GPANK1: variants seen among roughly 807,000 people sequenced by gnomAD.
The protein encoded by GPANK1 is G patch domain and ankyrin repeat-containing protein 1.
Under a neutral mutation model 24.0 loss-of-function variants are expected in GPANK1, and 22 were observed. The ratio of observed to expected loss-of-function variants is 0.92; its 90% confidence interval spans 0.66 to 1.31. The LOEUF (loss-of-function observed/expected upper bound fraction) is 1.31. Among genes scored for constraint, GPANK1 ranks in the 50% most tolerant of loss-of-function variants. The probability of loss-of-function intolerance (pLI) is 0.00; values close to 1 mark genes in which losing one functional copy is unlikely to be tolerated. For missense variants in GPANK1, 469 were observed against 453.5 expected (o/e 1.03, Z -0.31); for synonymous variants, 174 against 177.4 (o/e 0.98, Z 0.15).
rs1414986599 is a variant in GPANK1, at chr6:31,662,699, G to A, written c.638C>T (p.Pro213Leu). The A allele has an allele frequency of 1.3e-6, 2 of 1,583,274 alleles. No homozygotes were observed. Among genetic ancestry groups the A allele is most frequent in the Non-Finnish European group, 1.7e-6 (2 of 1,159,566 alleles). The change falls in exon 3 of 3, where the codon CCC becomes CTC. Residue 213 changes from proline to leucine, a missense_variant. Pro to Leu is a moderately conservative substitution (Grantham distance 98, BLOSUM62 -3). Coordinates refer to ENST00000375896, the MANE Select transcript of GPANK1 (RefSeq NM_033177.4). The surrounding 1 kb of genome is among the most constrained non-coding windows in gnomAD (Gnocchi z 5.5). ...ACAGTTCTCGCAGTACTGGAGGGAG[G>A]GAGTAGGAGACCTGCAGAGAAAGAA... is the stretch of plus-strand genomic sequence containing the variant. The part of the protein sequence containing the change: ...TRSPENRSPT[P>L]SLQYCENCDT...
intron 1 of GPANK1, 112 bp downstream of exon 1, chr6:31,664,729 A>C: frequency 3.9e-6 from 2 of 517,296 alleles, no homozygotes; most frequent in African/African-American, 1.9e-5. Context: ...AGATTAATAA[A>C]ACTCCATGAG....
Position 31,662,028 on chromosome 6 carries a change from G to A in GPANK1, c.*238C>T, listed in dbSNP as rs1349233434. The A allele has an allele frequency of 7.2e-6, 3 of 415,336 alleles. No homozygotes were observed. Among genetic ancestry groups the A allele is most frequent in the African/African-American group, 6.2e-5 (3 of 48,698 alleles). The allele number at this position is 415,336 out of a possible 1,614,324, so 25.7% of individuals were successfully genotyped here. A position where few individuals can be genotyped will look rare whatever the true frequency, so the allele number is the denominator to read the frequency against. ...GCCCCTTCTGACTCAGGTGGGACTT[G>A]CATGTGGCTCCCAGGCTTCTGTTTG... On this transcript the variant is annotated 3_prime_UTR_variant, in exon 3 of 3. Transcript: ENST00000375896. The surrounding 1 kb of genome is among the most constrained non-coding windows in gnomAD (Gnocchi z 5.5).
Position 31,662,484 on chromosome 6 carries a change from T to G in GPANK1, c.853A>C (p.Ile285Leu). The G allele has an allele frequency of 6.2e-7, 1 of 1,611,814 alleles. No homozygotes were observed. The highest frequency in any genetic ancestry group is 8.5e-7 in the Non-Finnish European group (1 of 1,179,268). ...TGGTCCCTCTTGAGGACAGTGGGGA[T>G]GGGATTGGCACGGCCCTCACCCCGG... The part of the protein sequence containing the change: ...GPRGEGRANP[I>L]PTVLKRDQEG... The change falls in exon 3 of 3, where the codon ATC becomes CTC. Residue 285 changes from isoleucine (I) to leucine (L), a missense_variant. Physicochemically the swap from Ile to Leu is conservative, Grantham distance 5 (BLOSUM62 2). Transcript: ENST00000375896. The surrounding 1 kb of genome is among the most constrained non-coding windows in gnomAD (Gnocchi z 5.5).
Position 31,664,348 on chromosome 6 carries a change from T to C in GPANK1, c.131A>G (p.Tyr44Cys), listed in dbSNP as rs753041542. Residue 44 changes from tyrosine (Y) to cysteine (C), a missense_variant, in exon 2 of 3, where the codon TAT becomes TGT. Coordinates refer to ENST00000375896, the MANE Select transcript of GPANK1 (RefSeq NM_033177.4). The part of the protein sequence containing the change: ...TLDGAAARAF[Y>C]EALIGDESSA... ...GCTCTCATCCCCAATCAGGGCCTCA[T>C]AGAAAGCTCGGGCTGCAGCCCCATC... 10 of 1,614,188 alleles carry C rather than the reference T, an allele frequency of 6.2e-6. No homozygotes were observed. Among genetic ancestry groups the C allele is most frequent in the Middle Eastern group, 1.6e-4 (1 of 6,062 alleles).
upstream of GPANK1, chr6:31,665,593 G>A: frequency 8.3e-7 from 1 of 1,210,960 alleles, no homozygotes; most frequent in Non-Finnish European, 1.2e-6. Context: ...CATGAGGCAG[G>A]AGCCCGGAGG....
upstream of GPANK1, chr6:31,665,585 T>G: frequency 4.7e-6 from 5 of 1,062,750 alleles, no homozygotes; most frequent in South Asian, 6.6e-5. Context: ...TCTCCCCTCA[T>G]GAGGCAGGAG....
rs749968972 is a variant in GPANK1 at position 31,662,716 on chromosome 6, GAGAA to G, written c.627-10_627-7del. The G allele has an allele frequency of 1.9e-6, 3 of 1,553,986 alleles. No homozygotes were observed. Among genetic ancestry groups the G allele is most frequent in the African/African-American group, 1.4e-5 (1 of 73,280 alleles). Reference sequence around the variant, plus strand: ...GGAGGGAGGGAGTAGGAGACCTGCAGAGAAAGAAGAAAAAGCATTAAGGGCAGGG... The same window carrying G: ...GGAGGGAGGGAGTAGGAGACCTGCAGAGAAGAAAAAGCATTAAGGGCAGGG... On this transcript the variant is annotated splice_region_variant and splice_polypyrimidine_tract_variant and intron_variant, in intron 2 of 2. Coordinates refer to ENST00000375896, the MANE Select transcript of GPANK1 (RefSeq NM_033177.4). This position sits in a 1 kb window ranked among gnomAD's most constrained non-coding sequence, Gnocchi z 5.5.
Position 31,662,538 on chromosome 6 carries a change from C to G in GPANK1, c.799G>C (p.Gly267Arg), listed in dbSNP as rs367604820. The stretch of plus-strand genomic sequence containing the variant: ...CCCAGCCCCATTCCTGGCTCCCAGC[C>G]CCCCCTCAGCAGCAGTTTGAAGCCC... ...SPGFKLLLRGGWEPGMGLGPR... is the reference protein window; with the variant it reads ...SPGFKLLLRGRWEPGMGLGPR... Residue 267 changes from glycine to arginine, a missense_variant, in exon 3 of 3, where the codon GGC becomes CGC. Coordinates refer to ENST00000375896, the MANE Select transcript of GPANK1 (RefSeq NM_033177.4). The surrounding 1 kb of genome is among the most constrained non-coding windows in gnomAD (Gnocchi z 5.5). 2.6e-5 allele frequency: 42 copies of G among 1,612,828 alleles called. No individual in the cohort carries two copies. Among genetic ancestry groups the G allele is most frequent in the Admixed American group, 5.0e-5 (3 of 59,992 alleles).
In GPANK1 at chr6:31,664,068, G is replaced by A. The variant is rs904499643; in HGVS notation, c.411C>T (p.Asn137=). 9 of 1,614,216 alleles carry A rather than the reference G, an allele frequency of 5.6e-6. No individual in the cohort carries two copies. The highest frequency in any genetic ancestry group is 6.8e-6 in the Non-Finnish European group (8 of 1,180,044). ...HEAGGAGGNI[N]ARDAFWWTPL... ...GGGTCCACCAGAAGGCATCCCGGGCGTTGATATTCCCCCCAGCTCCTCCTG... is the reference window on the plus strand; with the variant it reads ...GGGTCCACCAGAAGGCATCCCGGGCATTGATATTCCCCCCAGCTCCTCCTG... The change falls in exon 2 of 3, where the codon AAC becomes AAT. Residue 137 remains asparagine (N), a synonymous_variant. Coordinates refer to ENST00000375896, the MANE Select transcript of GPANK1 (RefSeq NM_033177.4).
chr6:31,662,415 G>A lies in GPANK1; in HGVS notation c.922C>T (p.His308Tyr). 6.2e-7 allele frequency: 1 copy of A among 1,612,644 alleles called. No individual in the cohort carries two copies. Among genetic ancestry groups the A allele is most frequent in the Non-Finnish European group, 8.5e-7 (1 of 1,179,838 alleles). ...YRSAPQPRVT[H>Y]FPAWDTRAVA... is the part of the protein sequence containing the mutation. ...GCTCGGGTATCCCAAGCTGGGAAAT[G>A]TGTCACTCGGGGCTGGGGTGCTGAT... Residue 308 changes from histidine to tyrosine, a missense_variant, in exon 3 of 3, where the codon CAT becomes TAT. Coordinates refer to ENST00000375896, the MANE Select transcript of GPANK1 (RefSeq NM_033177.4). The surrounding 1 kb of genome is among the most constrained non-coding windows in gnomAD (Gnocchi z 5.5).
rs1801374562 is a variant in GPANK1 at position 31,664,523 on chromosome 6, T to TAA, written c.-46_-45insTT. 4 of 1,502,424 alleles carry TAA rather than the reference T, an allele frequency of 2.7e-6. No homozygotes were observed. The highest frequency in any genetic ancestry group is 3.7e-6 in the Non-Finnish European group (4 of 1,095,836). 93.1% of individuals were successfully genotyped at this position (1,502,424 alleles called of 1,614,324 possible). On this transcript the variant is annotated 5_prime_UTR_variant, in exon 2 of 3. Transcript: ENST00000375896. The stretch of plus-strand genomic sequence containing the variant: ...AAAATGATACCAGGCAAGGGAAGGA[T>TAA]GAGACAAGTAAGCCAAGCTCGTGGT...
Position 31,664,867 on chromosome 6 carries a change from C to T in GPANK1, c.-126G>A. ...AGTAGGAAAAAAAAATCAGCCTGGC[C>T]CTTTAAGTCTTCCGCGATCCCATTT... On this transcript the variant is annotated 5_prime_UTR_variant, in exon 1 of 3. Transcript: ENST00000375896. The T allele has an allele frequency of 4.1e-6, 1 of 246,374 alleles. No individual in the cohort carries two copies. Among genetic ancestry groups the T allele is most frequent in the Non-Finnish European group, 7.8e-6 (1 of 127,646 alleles). The allele number at this position is 246,374 out of a possible 1,614,324, so 15.3% of individuals were successfully genotyped here.
In GPANK1 at chr6:31,662,463, C is replaced by T; in HGVS notation, c.874G>A (p.Asp292Asn). 3 of 1,611,386 alleles carry T rather than the reference C, an allele frequency of 1.9e-6. No homozygotes were observed. The highest frequency in any genetic ancestry group is 2.5e-6 in the Non-Finnish European group (3 of 1,178,972). ...ANPIPTVLKR[D>N]QEGLGYRSAP... is the part of the protein sequence containing the mutation. Reference sequence around the variant, plus strand: ...GATCTGTAGCCTAGTCCTTCCTGGTCCCTCTTGAGGACAGTGGGGATGGGA... The same window carrying T: ...GATCTGTAGCCTAGTCCTTCCTGGTTCCTCTTGAGGACAGTGGGGATGGGA... Residue 292 changes from aspartate to asparagine, a missense_variant, in exon 3 of 3, where the codon GAC becomes AAC. By Grantham distance (23) the Asp-to-Asn change is conservative (BLOSUM62 1). Coordinates refer to ENST00000375896, the MANE Select transcript of GPANK1 (RefSeq NM_033177.4). This position sits in a 1 kb window ranked among gnomAD's most constrained non-coding sequence, Gnocchi z 5.5.
Position 31,664,264 on chromosome 6 carries a change from T to C in GPANK1, c.215A>G (p.Lys72Arg). ...TEPARERKRK[K>R]RRIMKAPAAE... is the part of the protein sequence containing the mutation. ...TGCTGGTGCCTTCATTATTCTTCTTTTCTTTCTCTTTCTTTCTCTGGCAGG... is the reference window on the plus strand; with the variant it reads ...TGCTGGTGCCTTCATTATTCTTCTTCTCTTTCTCTTTCTTTCTCTGGCAGG... Residue 72 changes from lysine (K) to arginine (R), a missense_variant, in exon 2 of 3, where the codon AAA becomes AGA. Physicochemically the swap from Lys to Arg is conservative, Grantham distance 26. Coordinates refer to ENST00000375896, the MANE Select transcript of GPANK1 (RefSeq NM_033177.4). The C allele has an allele frequency of 6.2e-7, 1 of 1,613,956 alleles. No individual in the cohort carries two copies. Among genetic ancestry groups the C allele is most frequent in the East Asian group, 2.2e-5 (1 of 44,888 alleles).
rs1801059881 is a variant in GPANK1 at position 31,662,773 on chromosome 6, C to T, written c.627-63G>A. ...AGGAAAAGGGGAAGAGTTGAGGCCT[C>T]AGAGGGGGCTGGCAGGGTAGAATAG... is the stretch of plus-strand genomic sequence containing the variant. On this transcript the variant is annotated intron_variant, in intron 2 of 2. Coordinates refer to ENST00000375896, the MANE Select transcript of GPANK1 (RefSeq NM_033177.4). The surrounding 1 kb of genome is among the most constrained non-coding windows in gnomAD (Gnocchi z 5.5). The T allele has an allele frequency of 9.5e-7, 1 of 1,051,140 alleles. No homozygotes were observed. The highest frequency in any genetic ancestry group is 1.5e-5 in the South Asian group (1 of 65,386). 65.1% of individuals were successfully genotyped at this position (1,051,140 alleles called of 1,614,324 possible). A position where few individuals can be genotyped will look rare whatever the true frequency, so the allele number is the denominator to read the frequency against.
In GPANK1 at chr6:31,664,495, G is replaced by T. The variant is rs199937819; in HGVS notation, c.-17C>A. 3.8e-6 allele frequency: 6 copies of T among 1,587,272 alleles called. No homozygotes were observed. Among genetic ancestry groups the T allele is most frequent in the Non-Finnish European group, 5.2e-6 (6 of 1,162,818 alleles). On this transcript the variant is annotated 5_prime_UTR_variant, in exon 2 of 3. Transcript: ENST00000375896. The stretch of plus-strand genomic sequence containing the variant: ...CCGGGACATGGCTTTTGGGAGAACT[G>T]AGAAAATGATACCAGGCAAGGGAAG...
chr6:31,662,855 G>A lies in GPANK1; in HGVS notation c.627-145C>T, dbSNP rs1349222572. The A allele has an allele frequency of 1.8e-5, 10 of 552,384 alleles. No homozygotes were observed. Among genetic ancestry groups the A allele is most frequent in the South Asian group, 2.7e-5 (1 of 37,680 alleles). The allele number at this position is 552,384 out of a possible 1,614,324, so 34.2% of individuals were successfully genotyped here. On this transcript the variant is annotated intron_variant, in intron 2 of 2. Coordinates refer to ENST00000375896, the MANE Select transcript of GPANK1 (RefSeq NM_033177.4). The surrounding 1 kb of genome is among the most constrained non-coding windows in gnomAD (Gnocchi z 5.5). ...TTGCCAGCTAGGCATAGTGGCTCAC[G>A]CCTGTAATCCCAACACTTTGGGAGG...
At chr6:31,665,176 C>T (rs912175605), upstream of GPANK1, 5 of 491,110 alleles carry the variant, frequency 1.0e-5, no homozygotes, top group Non-Finnish European at 3.7e-6. Flanking sequence ...CAAAGCTCCG[C>T]GCGCCCAGGT....
At position 31,662,378 on chromosome 6, in the gene GPANK1, C is replaced by G. The variant is rs964196217; in HGVS notation, c.959G>C (p.Arg320Thr). ...TGTGGCCACCCGAGGGGGTCTCTCCCTCCCAGCCACAGCTCGGGTATCCCA... is the reference window on the plus strand; with the variant it reads ...TGTGGCCACCCGAGGGGGTCTCTCCGTCCCAGCCACAGCTCGGGTATCCCA... Reference protein sequence around the residue: ...PAWDTRAVAGRERPPRVATLS... With the variant: ...PAWDTRAVAGTERPPRVATLS... The change falls in exon 3 of 3, where the codon AGG (arginine) becomes ACG (threonine). Residue 320 changes from arginine to threonine, a missense_variant. Transcript: ENST00000375896. This position sits in a 1 kb window ranked among gnomAD's most constrained non-coding sequence, Gnocchi z 5.5. The G allele has an allele frequency of 3.1e-6, 5 of 1,612,502 alleles. No homozygotes were observed. Among genetic ancestry groups the G allele is most frequent in the African/African-American group, 2.7e-5 (2 of 74,938 alleles).
Sources: gnomAD v4.1 joint callset for allele counts on GRCh38, gnomAD v4.1.1 for gene constraint, Gnocchi (gnomAD v3.1) non-coding constraint, MANE v1.5 for transcripts, NCBI Gene and HGNC (gene_info 2026-07-23, HGNC 2026-07-21) for gene names.